CNTN5: variants seen among roughly 807,000 people sequenced by gnomAD.
The protein encoded by CNTN5 is contactin-5.
In CNTN5, 77 loss-of-function variants were observed where a neutral mutation model predicts 129.1. The observed-to-expected ratio is 0.60, with a 90% confidence interval of 0.50 to 0.72. CNTN5 has a LOEUF of 0.72. Ranked by LOEUF, CNTN5 falls within the 30% of genes least tolerant of loss-of-function variation. CNTN5 has a pLI of 0.00. For missense variants in CNTN5, 1,478 were observed against 1,328.8 expected (o/e 1.11, Z -1.75); for synonymous variants, 509 against 465.6 (o/e 1.09, Z -1.20).
At position 100,176,851 on chromosome 11, in the gene CNTN5, G is replaced by GGTGTGTGT. The variant is rs3031275; in HGVS notation, c.1581-14256_1581-14249dup. Among the ~76,000 whole-genome samples, 11 of 150,286 alleles carry GGTGTGTGT rather than the reference G, an allele frequency of 7.3e-5. No individual in the cohort carries two copies. In the East Asian group the frequency reaches 7.9e-4, roughly 11 times the overall value. Reference sequence around the variant, plus strand: ...TATATGAGTATATTTCATATAGTATGGTGTGTGTGTGTGTGTGTGTGTGTG... The same window carrying GGTGTGTGT: ...TATATGAGTATATTTCATATAGTATGGTGTGTGTGTGTGTGTGTGTGTGTGTGTGTGTG... On this transcript the variant is annotated intron_variant, in intron 13 of 24. Transcript: ENST00000524871.
chr11:99,915,552 C>G (rs1431734140), intron 6 of CNTN5, among the ~76,000 whole-genome samples: 2 of 152,030 alleles, frequency 1.3e-5, no homozygotes, highest in African/African-American at 4.8e-5. Flanking sequence ...AAAAAGAATG[C>G]TTTTTCTATT....
chr11:100,112,479 T>A (rs1341238089), intron 13 of CNTN5, among the ~76,000 whole-genome samples: 1 of 152,080 alleles, frequency 6.6e-6, no homozygotes, highest in African/African-American at 2.4e-5. Context: ...ACACCGAAAA[T>A]GTAACATATA....
chr11:99,655,070 G>C (rs534457348), intron 3 of CNTN5, among the ~76,000 whole-genome samples: 1 of 152,118 alleles, frequency 6.6e-6, no homozygotes, highest in Non-Finnish European at 1.5e-5. Context: ...TGAAGAAGCT[G>C]TATTCTCATG....
chr11:99,210,818 C>G (rs1325809968), intron 1 of CNTN5, among the ~76,000 whole-genome samples: 1 of 151,500 alleles, frequency 6.6e-6, no homozygotes, highest in East Asian at 1.9e-4. Context: ...AATAGCCTAA[C>G]ATTTTCTCCT....
chr11:100,128,530 CTTTCTT>C (rs1946271134), intron 13 of CNTN5, among the ~76,000 whole-genome samples: 1 of 152,098 alleles, frequency 6.6e-6, no homozygotes, highest in Non-Finnish European at 1.5e-5. Context: ...AAAAACATTT[CTTTCTT>C]TATTCCTATG....
chr11:99,136,123 T>C (rs557810848), intron 1 of CNTN5, among the ~76,000 whole-genome samples: 1 of 152,174 alleles, frequency 6.6e-6, no homozygotes, highest in Non-Finnish European at 1.5e-5. Flanking sequence ...AGGCCAGGTA[T>C]TCTAATTATA....
intron 17 of CNTN5, among the ~76,000 whole-genome samples, chr11:100,269,746 C>A (rs2138778216): frequency 6.6e-6 from 1 of 152,180 alleles, no homozygotes; most frequent in African/African-American, 2.4e-5. Flanking sequence ...TGGCAGAATT[C>A]TCAGGAGGTT....
rs749526333 is a variant in CNTN5 at position 99,998,973 on chromosome 11, AT to A, written c.878-3060del. Among the ~76,000 whole-genome samples, 804 of 152,070 alleles carry A rather than the reference AT, an allele frequency of 5.3e-3. 3 individuals are homozygous for A. The highest frequency in any genetic ancestry group is 7.5e-3 in the Non-Finnish European group (508 of 68,002). ...GCCATATGTAGAAAGCTGAAACTGG[AT>A]CCCTTCCTTACACCTTATACAAAAA... On this transcript the variant is annotated intron_variant, in intron 8 of 24. Transcript: ENST00000524871.
rs140133639 is a variant in CNTN5 at position 99,443,592 on chromosome 11, G to A, written c.-70-112553G>A. On this transcript the variant is annotated intron_variant, in intron 2 of 24. Transcript: ENST00000524871. ...ATTATGAATTCATAAATATTTAATAGCAATGGCTCAAATAGAAATTTGCTC... is the reference window on the plus strand; with the variant it reads ...ATTATGAATTCATAAATATTTAATAACAATGGCTCAAATAGAAATTTGCTC... Among the ~76,000 whole-genome samples the A allele has an allele frequency of 6.6e-5, 10 of 152,204 alleles. No homozygotes were observed. In the East Asian group the frequency reaches 1.7e-3, roughly 26 times the overall value.
intron 24 of CNTN5, 142 bp from the exon 25 acceptor site, chr11:100,355,975 C>T (rs1952513355): frequency 1.6e-6 from 1 of 618,064 alleles, no homozygotes; most frequent in Non-Finnish European, 2.9e-6. Context: ...CAGATAATGT[C>T]TGATTTTATA....
chr11:99,900,718 T>C (rs985319371), intron 6 of CNTN5, among the ~76,000 whole-genome samples: 3 of 152,164 alleles, frequency 2.0e-5, no homozygotes, highest in African/African-American at 7.2e-5. Context: ...TTATCCAATT[T>C]GCCACTATAT....
At chr11:100,121,904 A>G (rs977589541) in intron 13 of CNTN5, among the ~76,000 whole-genome samples, 7 of 152,078 alleles carry the variant, frequency 4.6e-5, no homozygotes, top group Non-Finnish European at 1.0e-4. Context: ...AAAAAGATGA[A>G]CAGGGAAGGG....
At chr11:100,094,774 AAGGAAGGAAGG>A (rs1944936171) in intron 13 of CNTN5, among the ~76,000 whole-genome samples, 2 of 116,010 alleles carry the variant, frequency 1.7e-5, no homozygotes, top group African/African-American at 5.3e-5. Context: ...GAAAGGAAGG[AAGGAAGGAAGG>A]AAGGAAGGAA....
intron 3 of CNTN5, among the ~76,000 whole-genome samples, chr11:99,574,096 C>T (rs1166528380): frequency 6.6e-6 from 1 of 152,062 alleles, no homozygotes; most frequent in Non-Finnish European, 1.5e-5. Context: ...TGATGTTTCC[C>T]TCCCTGTGTC....
rs1319099754 is a variant in CNTN5, at chr11:99,792,535, A to AGG, written c.56-27006_56-27005dup. On this transcript the variant is annotated intron_variant, in intron 3 of 24. Transcript: ENST00000524871. Reference sequence around the variant, plus strand: ...GATTATTGAGGATATTGGCCTGAAGAGGGGTGTGTGTGTGTGTGTGTGTGT... The same window carrying AGG: ...GATTATTGAGGATATTGGCCTGAAGAGGGGGGTGTGTGTGTGTGTGTGTGTGT... Among the ~76,000 whole-genome samples, 344 of 79,440 alleles carry AGG rather than the reference A, an allele frequency of 4.3e-3. 3 individuals carry two copies. Among genetic ancestry groups the AGG allele is most frequent in the East Asian group, 0.02 (62 of 3,172 alleles). 52.1% of individuals were successfully genotyped at this position (79,440 alleles called of 152,430 possible). A position where few individuals can be genotyped will look rare whatever the true frequency, so the allele number is the denominator to read the frequency against.
chr11:100,321,367 G>A (rs967601565), intron 21 of CNTN5, among the ~76,000 whole-genome samples: 21 of 148,590 alleles, frequency 1.4e-4, no homozygotes, highest in Non-Finnish European at 2.8e-4. Flanking sequence ...CACTACTGGT[G>A]TATAAAAACA....
chr11:99,452,172 G>T (rs933707553), intron 2 of CNTN5, among the ~76,000 whole-genome samples: 2 of 151,908 alleles, frequency 1.3e-5, no homozygotes, highest in African/African-American at 4.8e-5. Flanking sequence ...CATTGATATG[G>T]TATATATTAG....
At chr11:100,038,883 C>A (rs1255038360) in intron 9 of CNTN5, among the ~76,000 whole-genome samples, 1 of 152,078 alleles carries the variant, frequency 6.6e-6, no homozygotes, top group Non-Finnish European at 1.5e-5. Flanking sequence ...AGGTGGGTTT[C>A]CTGAATACAG....
intron 6 of CNTN5, among the ~76,000 whole-genome samples, chr11:99,853,409 A>AT (rs1251659106): frequency 7.6e-6 from 1 of 130,830 alleles, no homozygotes; most frequent in East Asian, 2.1e-4. Flanking sequence ...GTATATATAT[A>AT]TTTTTTTGAG....
Sources: gnomAD v4.1 joint callset for allele counts (sites outside exome capture counted in the v4.1 genomes callset) on GRCh38, gnomAD v4.1.1 for gene constraint, MANE v1.5 for transcripts, NCBI Gene and HGNC (gene_info 2026-07-23, HGNC 2026-07-21) for gene names.